Variants in FKBP3 observed in about 807,000 individuals in gnomAD.
FKBP3 encodes peptidyl-prolyl cis-trans isomerase FKBP3.
In FKBP3, 21 loss-of-function variants were observed where a neutral mutation model predicts 30.6. The observed-to-expected ratio is 0.69, with a 90% CI of 0.49 to 0.99. The LOEUF (loss-of-function observed/expected upper bound fraction) is 0.99. Ranked by LOEUF, FKBP3 falls within the 50% of genes least tolerant of loss-of-function variation. The pLI, the probability that FKBP3 is intolerant of heterozygous loss-of-function variation, is 0.00. For missense variants in FKBP3, 283 were observed against 261.6 expected (o/e 1.08, Z -0.56); for synonymous variants, 82 against 91.3 (o/e 0.90, Z 0.58).
chr14:45,125,320 T>C (rs531597529), intron 3 of FKBP3, among the ~76,000 whole-genome samples: 1 of 152,308 alleles, frequency 6.6e-6, no homozygotes, highest in Non-Finnish European at 1.5e-5. Context: ...ACTATAGTAG[T>C]TTAGGTTTAG....
intron 2 of FKBP3, among the ~76,000 whole-genome samples, chr14:45,130,312 A>C (rs1453838445): frequency 6.6e-6 from 1 of 152,250 alleles, no homozygotes; most frequent in Non-Finnish European, 1.5e-5. Context: ...CCAGACTTTA[A>C]ATTCATTAGT....
At chr14:45,127,279 A>G (rs1885122011) in intron 3 of FKBP3, among the ~76,000 whole-genome samples, 1 of 151,320 alleles carries the variant, frequency 6.6e-6, no homozygotes. Flanking sequence ...ACATCTGGCT[A>G]ATTTTTTGTA....
intron 6 of FKBP3, among the ~76,000 whole-genome samples, chr14:45,116,816 G>A (rs556359050): frequency 6.6e-6 from 1 of 152,118 alleles, no homozygotes; most frequent in South Asian, 2.1e-4. Flanking sequence ...AGATCACGCT[G>A]CTGCACTCCA....
rs768239022 is a variant in FKBP3, at chr14:45,121,501, A to G, written c.438T>C (p.Asp146=). 3.1e-6 allele frequency: 5 copies of G among 1,612,168 alleles called. No individual in the cohort carries two copies. The East Asian group carries it at 6.7e-5, about 22-fold the overall frequency. The change falls in exon 4 of 7, where the codon GAT becomes GAC. Residue 146 remains aspartate (D), a synonymous_variant. Transcript: ENST00000396062. ...TGTLQDGTVF[D]TNIQTSAKKK... Reference sequence around the variant, plus strand: ...TAGACTTACTTGTTTGAATATTAGTATCAAAAACAGTCCCATCTTGTAGTG... The same window carrying G: ...TAGACTTACTTGTTTGAATATTAGTGTCAAAAACAGTCCCATCTTGTAGTG...
chr14:45,124,971 C>CA (rs1381772581), intron 3 of FKBP3, among the ~76,000 whole-genome samples: 1 of 152,148 alleles, frequency 6.6e-6, no homozygotes, highest in Non-Finnish European at 1.5e-5. Flanking sequence ...GGCTGGAGTG[C>CA]AGTGGTGTGA....
At position 45,118,041 on chromosome 14, in the gene FKBP3, G is replaced by A; in HGVS notation, c.607C>T (p.Gln203Ter). The A allele has an allele frequency of 2.5e-6, 4 of 1,596,416 alleles. No individual in the cohort carries two copies. Among genetic ancestry groups the A allele is most frequent in the Non-Finnish European group, 3.4e-6 (4 of 1,172,384 alleles). Residue 203 changes from glutamine to a stop codon, truncating the protein, a stop_gained, in exon 6 of 7, where the codon CAG becomes TAG. Coordinates refer to ENST00000396062, the MANE Select transcript of FKBP3 (RefSeq NM_002013.4). LOFTEE classifies it high-confidence loss of function. Reference protein sequence around the residue: ...EPEWAYGKKGQPDAKIPPNAK... With the variant: ...EPEWAYGKKG ...AAAAAAGGATACTTGGCATCAGGCTGTCCTTTCTTTCCGTAAGCCCATTCT... is the reference window on the plus strand; with the variant it reads ...AAAAAAGGATACTTGGCATCAGGCTATCCTTTCTTTCCGTAAGCCCATTCT...
chr14:45,116,547 C>T (rs1165364887), intron 6 of FKBP3, among the ~76,000 whole-genome samples: 1 of 151,616 alleles, frequency 6.6e-6, no homozygotes, highest in Non-Finnish European at 1.5e-5. Flanking sequence ...ATAATATTTA[C>T]TGTGCATTTT....
At chr14:45,124,475 T>A (rs1043984557) in intron 3 of FKBP3, among the ~76,000 whole-genome samples, 4 of 151,976 alleles carry the variant, frequency 2.6e-5, no homozygotes, top group African/African-American at 7.3e-5. Flanking sequence ...GAGGTTGCAG[T>A]GAGCCAAAAT....
At chr14:45,125,701 C>T (rs1354064326) in intron 3 of FKBP3, among the ~76,000 whole-genome samples, 2 of 151,926 alleles carry the variant, frequency 1.3e-5, no homozygotes, top group Non-Finnish European at 2.9e-5. Context: ...GGAATGTATG[C>T]AGTTGTGTAT....
chr14:45,120,923 T>TA lies in FKBP3; in HGVS notation c.485dup (p.Leu162PhefsTer4). Reference sequence around the variant, plus strand: ...CTTTGCCTACTCCGACCTTAAAACTTAAAGGCTTGGCATTTTTCTTCTTCT... The same window carrying TA: ...CTTTGCCTACTCCGACCTTAAAACTTAAAAGGCTTGGCATTTTTCTTCTTCT... On this transcript the variant is annotated frameshift_variant, in exon 5 of 7. Coordinates refer to ENST00000396062, the MANE Select transcript of FKBP3 (RefSeq NM_002013.4). LOFTEE classifies it high-confidence loss of function. 1 of 1,613,386 alleles carries TA rather than the reference T, an allele frequency of 6.2e-7. No homozygotes were observed. The highest frequency in any genetic ancestry group is 8.5e-7 in the Non-Finnish European group (1 of 1,179,772).
In FKBP3 at chr14:45,131,004, A is replaced by C. The variant is rs557276441; in HGVS notation, c.109-204T>G. On this transcript the variant is annotated intron_variant, in intron 1 of 6. Coordinates refer to ENST00000396062, the MANE Select transcript of FKBP3 (RefSeq NM_002013.4). Reference sequence around the variant, plus strand: ...TCGGTATTTACAAGAATTAGTGACAAGACTGCAACTGTAGTGTTATGTACT... The same window carrying C: ...TCGGTATTTACAAGAATTAGTGACACGACTGCAACTGTAGTGTTATGTACT... 7 of 459,052 alleles carry C rather than the reference A, an allele frequency of 1.5e-5. No individual in the cohort carries two copies. In the South Asian group the frequency reaches 2.1e-4, roughly 14 times the overall value. The allele number at this position is 459,052 out of a possible 1,614,324, so 28.4% of individuals were successfully genotyped here.
At chr14:45,131,998 A>G (rs1885227592) in intron 1 of FKBP3, among the ~76,000 whole-genome samples, 1 of 152,228 alleles carries the variant, frequency 6.6e-6, no homozygotes, top group African/African-American at 2.4e-5. Flanking sequence ...GAGGATTTCC[A>G]TAACTTCTTT....
Position 45,121,080 on chromosome 14 carries a change from T to C in FKBP3, c.455-126A>G, listed in dbSNP as rs949649132. The C allele has an allele frequency of 7.6e-6, 6 of 786,092 alleles. No individual in the cohort carries two copies. In the Admixed American group the frequency reaches 1.1e-4, roughly 15 times the overall value. 48.7% of individuals were successfully genotyped at this position (786,092 alleles called of 1,614,324 possible). The stretch of plus-strand genomic sequence containing the variant: ...TTGATTTCAGAATTACAATACTATG[T>C]ATTTTAAAAGAAGGAAAAAATTTAC... On this transcript the variant is annotated intron_variant, in intron 4 of 6. Coordinates refer to ENST00000396062, the MANE Select transcript of FKBP3 (RefSeq NM_002013.4).
At chr14:45,120,788 T>C (rs1374552652) in intron 5 of FKBP3, 99 bp downstream of exon 5, 1 of 948,774 alleles carries the variant, frequency 1.1e-6, no homozygotes, top group East Asian at 2.4e-5. Flanking sequence ...CAAAGTCTGT[T>C]TCCTTTGTAT....
In FKBP3 at chr14:45,129,863, C is replaced by T. The variant is rs748770594; in HGVS notation, c.249G>A (p.Glu83=). The change falls in exon 3 of 7, where the codon GAG becomes GAA. Residue 83 remains glutamate (E), a synonymous_variant. Coordinates refer to ENST00000396062, the MANE Select transcript of FKBP3 (RefSeq NM_002013.4). ...CATTAAGCTTCACATTTTTTACTTGCTCAGACACTTTACTTATACTTTCAG... is the reference window on the plus strand; with the variant it reads ...CATTAAGCTTCACATTTTTTACTTGTTCAGACACTTTACTTATACTTTCAG... ...KGTESISKVS[E]QVKNVKLNED... is the part of the protein sequence containing the mutation. 6.2e-7 allele frequency: 1 copy of T among 1,613,012 alleles called. No homozygotes were observed.
intron 5 of FKBP3, among the ~76,000 whole-genome samples, chr14:45,118,360 G>A (rs980486965): frequency 6.6e-5 from 10 of 151,852 alleles, no homozygotes; most frequent in Admixed American, 3.3e-4. Flanking sequence ...GAACCTTTTG[G>A]GGCTCATACC....
At chr14:45,132,598 G>C (rs570785665) in intron 1 of FKBP3, among the ~76,000 whole-genome samples, 1 of 151,392 alleles carries the variant, frequency 6.6e-6, no homozygotes, top group Non-Finnish European at 1.5e-5. Context: ...ATGAGGTTTC[G>C]CTACGTTGGC....
At position 45,116,144 on chromosome 14, in the gene FKBP3, A is replaced by G. The variant is rs1297390634; in HGVS notation, c.*54T>C. ...TCTAACTAGTTGTGTAAATTTCTTC[A>G]AGGCCAAGTTTTATCATTGTTGCTA... On this transcript the variant is annotated 3_prime_UTR_variant, in exon 7 of 7. Coordinates refer to ENST00000396062, the MANE Select transcript of FKBP3 (RefSeq NM_002013.4). The G allele has an allele frequency of 2.3e-6, 3 of 1,328,470 alleles. No individual in the cohort carries two copies. Among genetic ancestry groups the G allele is most frequent in the Non-Finnish European group, 3.2e-6 (3 of 927,388 alleles). The allele number at this position is 1,328,470 out of a possible 1,614,324, so 82.3% of individuals were successfully genotyped here.
chr14:45,116,497 C>T (rs2016737), intron 6 of FKBP3, among the ~76,000 whole-genome samples: 23,161 of 149,988 alleles, frequency 0.15, 3,291 homozygotes, highest in African/African-American at 0.39. Context: ...AATATATATA[C>T]ATATAGAGAG....
Sources: gnomAD v4.1 joint callset for allele counts (sites outside exome capture counted in the v4.1 genomes callset) on GRCh38, gnomAD v4.1.1 for gene constraint, MANE v1.5 for transcripts, NCBI Gene and HGNC (gene_info 2026-07-23, HGNC 2026-07-21) for gene names.